Variants in NOX5 observed in about 807,000 individuals in gnomAD.
The protein encoded by NOX5 is NADPH oxidase, EF-hand calcium binding domain 5.
Under a neutral mutation model 85.7 loss-of-function variants are expected in NOX5, and 76 were observed. The ratio of observed to expected loss-of-function variants is 0.89; its 90% CI spans 0.74 to 1.07. The LOEUF is 1.07. NOX5 is among the 50% of genes least tolerant of loss of function. The pLI, the probability that NOX5 is intolerant of heterozygous loss-of-function variation, is 0.00. For missense variants in NOX5, 973 were observed against 999.5 expected, an observed-to-expected ratio of 0.97 and a Z score of 0.36; for synonymous variants, 405 against 401.4, an observed-to-expected ratio of 1.01 and a Z score of -0.11.
chr15:69,047,530 A>C lies in NOX5; in HGVS notation c.1810A>C (p.Met604Leu). 3 of 1,613,688 alleles carry C rather than the reference A, an allele frequency of 1.9e-6. No individual in the cohort carries two copies. The highest frequency in any genetic ancestry group is 1.1e-5 in the South Asian group (1 of 91,030). The change falls in exon 12 of 16, where the codon ATG (methionine) becomes CTG (leucine). Residue 604 changes from methionine to leucine, a missense_variant. Met to Leu is a conservative substitution (Grantham distance 15). Coordinates refer to ENST00000388866, the MANE Select transcript of NOX5 (RefSeq NM_024505.4). ...TPFASILQSI[M>L]YRHQKRKHTC... ...CTTTGCTTCCATTCTGCAGAGTATC[A>C]TGTACAGGTGGGTGAACAGTGTGCT...
In NOX5 at chr15:69,048,809, TA is replaced by T. The variant is rs36045403; in HGVS notation, c.1900-149del. The T allele has an allele frequency of 2.5e-3, 1,377 of 554,954 alleles. 7 individuals are homozygous for T. The highest frequency in any genetic ancestry group is 3.6e-3 in the Non-Finnish European group (1,113 of 308,350). 34.4% of individuals were successfully genotyped at this position (554,954 alleles called of 1,614,324 possible). On this transcript the variant is annotated intron_variant, in intron 13 of 15. Transcript: ENST00000388866. ...TGATCTGGGCATGGCTGCTCACCTC[TA>T]TGAGCCTTGATTTTTCCCTCCCTTA...
chr15:69,018,241 G>A lies in NOX5; in HGVS notation c.50+3456G>A, dbSNP rs150461705. Among the ~76,000 whole-genome samples, 1,010 of 152,196 alleles carry A rather than the reference G, an allele frequency of 6.6e-3. 10 individuals are homozygous for A. Among genetic ancestry groups the A allele is most frequent in the African/African-American group, 0.023 (974 of 41,514 alleles). ...GGGATTGGCAGGGAGAATGGGCAAG[G>A]AGGCTGCAGGGCCAGGCCTGGGGAC... On this transcript the variant is annotated intron_variant, in intron 1 of 15. Coordinates refer to ENST00000388866, the MANE Select transcript of NOX5 (RefSeq NM_024505.4).
At chr15:69,056,423 G>T (rs2050812163) in intron 15 of NOX5, 142 bp from the exon 16 acceptor site, 1 of 1,049,570 alleles carries the variant, frequency 9.5e-7, no homozygotes, top group Admixed American at 2.4e-5. Context: ...CCCAGCAGCT[G>T]TGCCATGCAG....
In NOX5 at chr15:69,028,309, T is replaced by A. The variant is rs774212827; in HGVS notation, c.269T>A (p.Ile90Asn). 1.4e-5 allele frequency: 23 copies of A among 1,613,538 alleles called. No individual in the cohort carries two copies. Among genetic ancestry groups the A allele is most frequent in the Non-Finnish European group, 1.9e-5 (22 of 1,179,792 alleles). The change falls in exon 3 of 16, where the codon ATC (isoleucine) becomes AAC (asparagine). Residue 90 changes from isoleucine to asparagine, a missense_variant. Transcript: ENST00000388866. ...QELQEALTLL[I>N]HGSPMDKLKF... ...CTGCAGGAGGCACTGACCCTGCTCA[T>A]CCATGGCAGCCCCATGGACAAACTC...
Position 69,040,536 on chromosome 15 carries a change from A to G in NOX5, c.1504+1547A>G, listed in dbSNP as rs565000004. ...AACAGTATGTCATGGAGATCTTTGCATATCAGTGAATATACAGCTTTTCCT... is the reference window on the plus strand; with the variant it reads ...AACAGTATGTCATGGAGATCTTTGCGTATCAGTGAATATACAGCTTTTCCT... On this transcript the variant is annotated intron_variant, in intron 9 of 15. Transcript: ENST00000388866. Among the ~76,000 whole-genome samples, 58 of 152,334 alleles carry G rather than the reference A, an allele frequency of 3.8e-4. 1 individual carries two copies. The South Asian group carries it at 0.011, about 28-fold the overall frequency.
intron 9 of NOX5, among the ~76,000 whole-genome samples, chr15:69,042,068 TAAAA>T (rs34833384): frequency 7.1e-6 from 1 of 141,818 alleles, no homozygotes; most frequent in Admixed American, 7.0e-5. Context: ...ATCCCTGGTT[TAAAA>T]AAAAAAAAAA....
intron 1 of NOX5, among the ~76,000 whole-genome samples, chr15:69,020,026 T>C (rs2050278365): frequency 6.6e-6 from 1 of 152,248 alleles, no homozygotes; most frequent in African/African-American, 2.4e-5. Flanking sequence ...TCTTATGAAT[T>C]GTCCTTTTAT....
In NOX5 at chr15:69,028,310, C is replaced by A. The variant is rs1369064831; in HGVS notation, c.270C>A (p.Ile90=). The A allele has an allele frequency of 6.2e-7, 1 of 1,613,478 alleles. No individual in the cohort carries two copies. Among genetic ancestry groups the A allele is most frequent in the Non-Finnish European group, 8.5e-7 (1 of 1,179,704 alleles). The change falls in exon 3 of 16, where the codon ATC becomes ATA. Residue 90 remains isoleucine, a synonymous_variant. Transcript: ENST00000388866. The stretch of plus-strand genomic sequence containing the variant: ...TGCAGGAGGCACTGACCCTGCTCAT[C>A]CATGGCAGCCCCATGGACAAACTCA... ...QELQEALTLL[I]HGSPMDKLKF...
At chr15:69,053,623 GT>G (rs1300951095) in intron 14 of NOX5, among the ~76,000 whole-genome samples, 2 of 152,138 alleles carry the variant, frequency 1.3e-5, no homozygotes, top group African/African-American at 2.4e-5. Context: ...TGTGCACATA[GT>G]TTTTTTCCTT....
intron 14 of NOX5, 134 bp downstream of exon 14, chr15:69,049,192 CTTTT>C (rs34467340): frequency 4.6e-3 from 1,344 of 291,196 alleles, no homozygotes; most frequent in South Asian, 7.8e-3. Context: ...AACCCAGAGT[CTTTT>C]TTTTTTTTTT....
At chr15:69,056,491 G>C (rs2050813100) in intron 15 of NOX5, 74 bp from the exon 16 acceptor site, 1 of 1,576,448 alleles carries the variant, frequency 6.3e-7, no homozygotes, top group Non-Finnish European at 8.6e-7. Context: ...GTTACCTCCA[G>C]GTGGTTGTGT....
chr15:69,031,693 C>A lies in NOX5; in HGVS notation c.501C>A (p.Asp167Glu). The change falls in exon 4 of 16, where the codon GAC becomes GAA. Residue 167 changes from aspartate to glutamate, a missense_variant. Physicochemically the swap from Asp to Glu is conservative, Grantham distance 45 (BLOSUM62 2). Transcript: ENST00000388866. ...SAISLPDEKL[D>E]QLTLALFESA... ...TCTCGCTGCCTGACGAGAAGCTGGA[C>A]CAGCTGACGCTGGCGCTCTTCGAAT... The A allele has an allele frequency of 6.2e-7, 1 of 1,613,264 alleles. No individual in the cohort carries two copies. The highest frequency in any genetic ancestry group is 8.5e-7 in the Non-Finnish European group (1 of 1,179,856).
intron 9 of NOX5, among the ~76,000 whole-genome samples, chr15:69,039,202 C>G (rs1164782732): frequency 6.6e-6 from 1 of 152,196 alleles, no homozygotes; most frequent in Non-Finnish European, 1.5e-5. Flanking sequence ...CAGGGAGGGC[C>G]TGGCTTGGTG....
intron 3 of NOX5, chr15:69,029,503 G>T (rs542462950): frequency 6.6e-6 from 1 of 152,028 alleles, no homozygotes; most frequent in Non-Finnish European, 1.5e-5. Context: ...CAATTCTTCC[G>T]GGTATATATC....
chr15:69,046,758 C>A (rs942768586), intron 10 of NOX5, 64 bp from the exon 11 acceptor site: 48 of 1,519,926 alleles, frequency 3.2e-5, no homozygotes, highest in Non-Finnish European at 4.3e-5. Flanking sequence ...GGGCAAGAAA[C>A]TTCTAAGAAA....
At chr15:69,048,366 C>G (rs1339035330) in intron 13 of NOX5, among the ~76,000 whole-genome samples, 2 of 152,100 alleles carry the variant, frequency 1.3e-5, no homozygotes, top group Non-Finnish European at 2.9e-5. Flanking sequence ...AACCCCATCT[C>G]TAACAAAAAT....
At chr15:69,021,063 G>T (rs2050289991) in intron 1 of NOX5, among the ~76,000 whole-genome samples, 1 of 146,910 alleles carries the variant, frequency 6.8e-6, no homozygotes, top group East Asian at 2.0e-4. Context: ...GGTTGGGTTT[G>T]TTTTTTTTTT....
chr15:69,023,141 A>T (rs377553402), intron 1 of NOX5: 1 of 370,450 alleles, frequency 2.7e-6, no homozygotes. Flanking sequence ...TGTGGTATTA[A>T]ACAGAGAGGA....
rs1387963551 is a variant in NOX5, at chr15:69,031,585, A to G, written c.393A>G (p.Ser131=). 3.1e-6 allele frequency: 5 copies of G among 1,612,912 alleles called. No individual in the cohort carries two copies. Among genetic ancestry groups the G allele is most frequent in the Admixed American group, 1.7e-5 (1 of 60,012 alleles). ...WGAGAGPHWA[S]SPLGTGSGSI... is the part of the protein sequence containing the mutation. ...CTGGGGCAGGCCCGCACTGGGCTTC[A>G]TCCCCACTCGGGACAGGCAGTGGCT... Residue 131 remains serine, a synonymous_variant, in exon 4 of 16, where the codon TCA becomes TCG. Transcript: ENST00000388866.
Sources: allele counts gnomAD v4.1 joint callset (sites outside exome capture counted in the v4.1 genomes callset), GRCh38; gene constraint gnomAD v4.1.1; transcripts MANE v1.5; gene names NCBI Gene and HGNC (gene_info 2026-07-23, HGNC 2026-07-21).